The following PSTPIP2 variants were observed in gnomAD, a reference collection of about 807,000 sequenced individuals.
The protein encoded by PSTPIP2 is proline-serine-threonine phosphatase interacting protein 2, also known as proline-serine-threonine phosphatase-interacting protein 2.
PSTPIP2 carries 33 observed loss-of-function variants against 63.3 expected under a neutral mutation model. The observed-to-expected ratio is 0.52, with a 90% CI of 0.40 to 0.70. PSTPIP2 has a LOEUF of 0.70. Ranked by LOEUF, PSTPIP2 falls within the 30% of genes least tolerant of loss-of-function variation. The pLI, the probability that PSTPIP2 is intolerant of heterozygous loss-of-function variation, is 0.00. For missense variants in PSTPIP2, 312 were observed against 400.7 expected, an observed-to-expected ratio of 0.78 and a Z score of 1.89; for synonymous variants, 125 against 132.7, an observed-to-expected ratio of 0.94 and a Z score of 0.40.
At chr18:46,056,603 T>TG (rs1908764176) in intron 1 of PSTPIP2, among the ~76,000 whole-genome samples, 1 of 152,106 alleles carries the variant, frequency 6.6e-6, no homozygotes, top group African/African-American at 2.4e-5. Context: ...GGTGCACACC[T>TG]GTGGTCCCAG....
chr18:46,011,873 G>A (rs1182290368), intron 4 of PSTPIP2, among the ~76,000 whole-genome samples: 1 of 152,146 alleles, frequency 6.6e-6, no homozygotes, highest in Non-Finnish European at 1.5e-5. Context: ...AAGCTAAAAA[G>A]TCTGACAGAT....
At chr18:46,057,545 G>A (rs1247221367) in intron 1 of PSTPIP2, among the ~76,000 whole-genome samples, 3 of 151,758 alleles carry the variant, frequency 2.0e-5, no homozygotes, top group East Asian at 3.9e-4. Flanking sequence ...GGCCAGGCTG[G>A]TCTCAAACTC....
At chr18:46,034,154 C>T (rs553548543) in intron 2 of PSTPIP2, among the ~76,000 whole-genome samples, 8 of 152,206 alleles carry the variant, frequency 5.3e-5, no homozygotes, top group African/African-American at 9.6e-5. Flanking sequence ...GACCATGGGA[C>T]GTACAGGAGC....
At chr18:46,047,489 G>A (rs577334649) in intron 1 of PSTPIP2, among the ~76,000 whole-genome samples, 1 of 152,282 alleles carries the variant, frequency 6.6e-6, no homozygotes, top group Non-Finnish European at 1.5e-5. Context: ...CTACTCAGGA[G>A]GCTGAGGCAG....
At chr18:46,064,746 T>C (rs1414091050) in intron 1 of PSTPIP2, among the ~76,000 whole-genome samples, 1 of 152,096 alleles carries the variant, frequency 6.6e-6, no homozygotes, top group Non-Finnish European at 1.5e-5. Context: ...CATAGTAAAA[T>C]GGCTGGGCAA....
Position 45,998,812 on chromosome 18 carries a change from T to A in PSTPIP2, c.544A>T (p.Thr182Ser). 2 of 1,613,718 alleles carry A rather than the reference T, an allele frequency of 1.2e-6. No individual in the cohort carries two copies. The highest frequency in any genetic ancestry group is 1.7e-6 in the Non-Finnish European group (2 of 1,179,986). ...KLFVKLATSK[T>S]AVEDSDKAYM... is the part of the protein sequence containing the mutation. ...CCCTCACCTGAGTCCTCTACTGCGGTCTTTGAAGTTGCCAGTTTCACAAAA... is the reference window on the plus strand; with the variant it reads ...CCCTCACCTGAGTCCTCTACTGCGGACTTTGAAGTTGCCAGTTTCACAAAA... Residue 182 changes from threonine (T) to serine (S), a missense_variant, in exon 8 of 15, where the codon ACC (threonine) becomes TCC (serine). Transcript: ENST00000409746.
chr18:46,012,394 GT>G (rs1383422410), intron 4 of PSTPIP2, among the ~76,000 whole-genome samples: 1 of 152,146 alleles, frequency 6.6e-6, no homozygotes, highest in Non-Finnish European at 1.5e-5. Context: ...ATGATATATT[GT>G]TAAGTAAAAC....
intron 6 of PSTPIP2, 26 bp downstream of exon 6, chr18:46,005,443 A>C (rs1043379697): frequency 1.9e-6 from 3 of 1,543,346 alleles, no homozygotes; most frequent in Non-Finnish European, 2.7e-6. Flanking sequence ...CCATTATCCC[A>C]AAAAAGACAA....
At chr18:45,988,427 T>A (rs2051488919) in intron 14 of PSTPIP2, among the ~76,000 whole-genome samples, 1 of 92,898 alleles carries the variant, frequency 1.1e-5, no homozygotes, top group Non-Finnish European at 1.9e-5. Flanking sequence ...ACAGCGAGAC[T>A]CTGCTTCGAA....
At chr18:45,985,862 C>T (rs911056760) in intron 14 of PSTPIP2, among the ~76,000 whole-genome samples, 16 of 151,804 alleles carry the variant, frequency 1.1e-4, no homozygotes, top group Admixed American at 4.6e-4. Context: ...CTGCAACCCC[C>T]GCCTCCCAAG....
chr18:45,986,401 G>A (rs2051466505), intron 14 of PSTPIP2, among the ~76,000 whole-genome samples: 1 of 152,194 alleles, frequency 6.6e-6, no homozygotes, highest in South Asian at 2.1e-4. Flanking sequence ...CAGTTGTTGG[G>A]TCAAGTGGTA....
chr18:45,984,320 T>C lies in PSTPIP2; in HGVS notation c.*1139A>G, dbSNP rs1362221750. 1 of 152,174 alleles carries C rather than the reference T, an allele frequency of 6.6e-6. No individual in the cohort carries two copies. Among genetic ancestry groups the C allele is most frequent in the African/African-American group, 2.4e-5 (1 of 41,446 alleles). 9.4% of individuals were successfully genotyped at this position (152,174 alleles called of 1,614,324 possible). A position where few individuals can be genotyped will look rare whatever the true frequency, so the allele number is the denominator to read the frequency against. On this transcript the variant is annotated 3_prime_UTR_variant, in exon 15 of 15. Transcript: ENST00000409746. ...ATAACTAAAAGGTACCATTTTCTCA[T>C]AGTGCACAGGTGTTGTACAAAAAGT... is the stretch of plus-strand genomic sequence containing the variant.
At chr18:45,990,423 T>G (rs1225458469) in intron 13 of PSTPIP2, among the ~76,000 whole-genome samples, 1 of 138,434 alleles carries the variant, frequency 7.2e-6, no homozygotes, top group Admixed American at 7.0e-5. Context: ...TTTTGGGGTT[T>G]TTTTGTTTGT....
intron 1 of PSTPIP2, among the ~76,000 whole-genome samples, chr18:46,041,403 T>C (rs1908191018): frequency 6.6e-6 from 1 of 152,052 alleles, no homozygotes; most frequent in African/African-American, 2.4e-5. Context: ...CATGCCACCA[T>C]ACCCAGCTAT....
chr18:46,029,004 G>A (rs1248215107), intron 2 of PSTPIP2: 3 of 858,102 alleles, frequency 3.5e-6, no homozygotes, highest in Non-Finnish European at 6.1e-6. Context: ...CACAGATTGT[G>A]ATGGTCGCTG....
intron 1 of PSTPIP2, among the ~76,000 whole-genome samples, chr18:46,069,032 A>G (rs1028937366): frequency 6.6e-6 from 1 of 152,184 alleles, no homozygotes; most frequent in Non-Finnish European, 1.5e-5. Flanking sequence ...TGAAACAGCA[A>G]CTAGGAAGCT....
At chr18:46,064,449 C>A (rs1049650970) in intron 1 of PSTPIP2, among the ~76,000 whole-genome samples, 1 of 138,636 alleles carries the variant, frequency 7.2e-6, no homozygotes, top group African/African-American at 2.7e-5. Context: ...CACCACAACA[C>A]CTGGCTAATT....
At chr18:45,990,687 A>G (rs1397439729) in intron 13 of PSTPIP2, 35 bp downstream of exon 13, 6 of 1,561,154 alleles carry the variant, frequency 3.8e-6, no homozygotes, top group South Asian at 2.2e-5. Flanking sequence ...GCCTTGCAAT[A>G]TAAGAATTTC....
intron 1 of PSTPIP2, among the ~76,000 whole-genome samples, chr18:46,070,205 T>C (rs1568236529): frequency 6.6e-6 from 1 of 152,124 alleles, no homozygotes; most frequent in Non-Finnish European, 1.5e-5. Context: ...CTGGACATCT[T>C]CCCAAGGGGC....
Sources: gnomAD v4.1 joint callset for allele counts (sites outside exome capture counted in the v4.1 genomes callset) on GRCh38, gnomAD v4.1.1 for gene constraint, MANE v1.5 for transcripts, NCBI Gene and HGNC (gene_info 2026-07-23, HGNC 2026-07-21) for gene names.